Variants in ARHGEF7 observed in about 807,000 individuals in gnomAD.
ARHGEF7 encodes the protein PAK-interacting exchange factor beta.
A neutral mutation model predicts 109.8 loss-of-function variants in ARHGEF7; 33 were observed. The ratio of observed to expected loss-of-function variants is 0.30; its 90% CI spans 0.23 to 0.40. The LOEUF is 0.40. Ranked by LOEUF, ARHGEF7 falls within the 10% of genes least tolerant of loss-of-function variation. ARHGEF7 has a pLI of 1.00. For synonymous variants in ARHGEF7, 458 were observed against 424.6 expected, an observed-to-expected ratio of 1.08 and a Z score of -0.97; for missense variants, 938 against 1,098.5, an observed-to-expected ratio of 0.85 and a Z score of 2.07.
intron 2 of ARHGEF7, among the ~76,000 whole-genome samples, chr13:111,205,081 G>A (rs7317770): frequency 0.44 from 67,570 of 152,122 alleles, 15,689 homozygotes; most frequent in South Asian, 0.55. Flanking sequence ...GCCTAATGCC[G>A]AGGGGGGACC....
intron 5 of ARHGEF7, among the ~76,000 whole-genome samples, chr13:111,222,738 T>A (rs2084627864): frequency 6.6e-6 from 1 of 152,202 alleles, no homozygotes; most frequent in South Asian, 2.1e-4. Context: ...CCAGTCTGAG[T>A]TTAACCGTGG....
At chr13:111,270,097 C>T (rs2092017088) in intron 9 of ARHGEF7, among the ~76,000 whole-genome samples, 1 of 152,256 alleles carries the variant, frequency 6.6e-6, no homozygotes, top group African/African-American at 2.4e-5. Context: ...AGAATGCCAA[C>T]TCTGACCGTT....
chr13:111,192,832 C>T (rs1477143381), intron 2 of ARHGEF7, among the ~76,000 whole-genome samples: 1 of 152,178 alleles, frequency 6.6e-6, no homozygotes, highest in Non-Finnish European at 1.5e-5. Flanking sequence ...ACTTCCTGAG[C>T]CTTCTCTGTC....
intron 2 of ARHGEF7, among the ~76,000 whole-genome samples, chr13:111,157,713 TTC>T (rs1444519614): frequency 1.6e-4 from 24 of 152,210 alleles, no homozygotes; most frequent in Non-Finnish European, 3.5e-4. Context: ...TCAGAGTGAT[TTC>T]TGTTTCCAGT....
chr13:111,288,562 G>A (rs2093127764), intron 18 of ARHGEF7, 119 bp downstream of exon 18: 5 of 581,766 alleles, frequency 8.6e-6, no homozygotes, highest in Non-Finnish European at 1.4e-5. Context: ...TGACCTCCCA[G>A]TGAGTGATGT....
chr13:111,124,920 C>T (rs1001240267), intron 1 of ARHGEF7, among the ~76,000 whole-genome samples: 4 of 152,088 alleles, frequency 2.6e-5, no homozygotes, highest in African/African-American at 7.2e-5. Flanking sequence ...CCACCATGCC[C>T]GGCTAATTTT....
chr13:111,284,410 CAT>C (rs2092927980), intron 16 of ARHGEF7, among the ~76,000 whole-genome samples: 4 of 152,264 alleles, frequency 2.6e-5, no homozygotes, highest in Admixed American at 6.5e-5. Context: ...TTCAGGTAAT[CAT>C]GTGTGCAAGT....
In ARHGEF7 at chr13:111,255,351, A is replaced by C. The variant is rs2090294051; in HGVS notation, c.950+11057A>C. Among the ~76,000 whole-genome samples, 1 of 152,176 alleles carries C rather than the reference A, an allele frequency of 6.6e-6. No homozygotes were observed. The highest frequency in any genetic ancestry group is 2.1e-4 in the South Asian group (1 of 4,826). On this transcript the variant is annotated intron_variant, in intron 8 of 21. Coordinates refer to ENST00000646102, the MANE Select transcript of ARHGEF7 (RefSeq NM_001354046.2). This position sits in a 1 kb window ranked among gnomAD's most constrained non-coding sequence, Gnocchi z 4.1. ...GTGTGGGAAGAGGTGTGGCCCAGGT[A>C]AAGGTTAGGTTTGGATTGACAGCTC...
chr13:111,265,608 C>T, intron 8 of ARHGEF7: 1 of 456,736 alleles, frequency 2.2e-6, no homozygotes, highest in East Asian at 7.0e-5. Flanking sequence ...AAAGGCATGC[C>T]TGCCAGCAGA....
intron 2 of ARHGEF7, among the ~76,000 whole-genome samples, chr13:111,170,229 C>CTGAGACTGTAGG (rs1462801178): frequency 6.6e-6 from 1 of 152,204 alleles, no homozygotes; most frequent in Non-Finnish European, 1.5e-5. Context: ...TCTCGAGTAG[C>CTGAGACTGTAGG]TGAGATTACA....
At chr13:111,156,984 TTTG>T (rs1164053632) in intron 2 of ARHGEF7, among the ~76,000 whole-genome samples, 2 of 152,232 alleles carry the variant, frequency 1.3e-5, no homozygotes, top group African/African-American at 4.8e-5. Context: ...TCTGCTAAGA[TTTG>T]TTAAAGGGAA....
chr13:111,205,073 C>G (rs1430565876), intron 2 of ARHGEF7, among the ~76,000 whole-genome samples: 3 of 151,800 alleles, frequency 2.0e-5, no homozygotes, highest in Admixed American at 2.0e-4. Context: ...GGGAATTGGC[C>G]TAATGCCGAG....
chr13:111,241,281 T>C, intron 6 of ARHGEF7: 2 of 1,536,134 alleles, frequency 1.3e-6, no homozygotes, highest in Non-Finnish European at 1.7e-6. Context: ...CTGTGAGGTC[T>C]CATGGGGTCC....
rs1013270244 is a variant in ARHGEF7 at position 111,255,230 on chromosome 13, C to G, written c.950+10936C>G. Among the ~76,000 whole-genome samples, 2 of 151,926 alleles carry G rather than the reference C, an allele frequency of 1.3e-5. No homozygotes were observed. Among genetic ancestry groups the G allele is most frequent in the African/African-American group, 2.4e-5 (1 of 41,366 alleles). ...AGGATTCGGGCTAAGGCGCTGAGTT[C>G]CGTTTGGGGTTGCTGTGCATTTCAG... On this transcript the variant is annotated intron_variant, in intron 8 of 21. Coordinates refer to ENST00000646102, the MANE Select transcript of ARHGEF7 (RefSeq NM_001354046.2). This position sits in a 1 kb window ranked among gnomAD's most constrained non-coding sequence, Gnocchi z 4.1.
intron 1 of ARHGEF7, among the ~76,000 whole-genome samples, chr13:111,135,491 A>C (rs572863771): frequency 6.6e-6 from 1 of 152,190 alleles, no homozygotes; most frequent in African/African-American, 2.4e-5. Context: ...AGTGGTTTGT[A>C]GTTCTCCTTG....
At chr13:111,203,163 T>A in intron 2 of ARHGEF7, 1 of 1,188,672 alleles carries the variant, frequency 8.4e-7, no homozygotes, top group Non-Finnish European at 1.1e-6. Context: ...GTATACAAAA[T>A]TGACAAAATA....
intron 4 of ARHGEF7, among the ~76,000 whole-genome samples, chr13:111,210,617 T>C (rs774956494): frequency 2.0e-5 from 3 of 152,052 alleles, no homozygotes; most frequent in African/African-American, 4.8e-5. Context: ...AATAGTGAAG[T>C]TGAAAATGAG....
chr13:111,210,691 C>T (rs2082388885), intron 4 of ARHGEF7, among the ~76,000 whole-genome samples: 1 of 152,260 alleles, frequency 6.6e-6, no homozygotes, highest in African/African-American at 2.4e-5. Flanking sequence ...GGCTGCCACT[C>T]TGCAGTCCTG....
chr13:111,269,092 G>C (rs775682457), intron 9 of ARHGEF7, among the ~76,000 whole-genome samples: 6 of 152,162 alleles, frequency 3.9e-5, no homozygotes, highest in Non-Finnish European at 8.8e-5. Flanking sequence ...GCTTGGGAGC[G>C]TGGGCCATGT....
Sources: gnomAD v4.1 joint callset for allele counts (sites outside exome capture counted in the v4.1 genomes callset) on GRCh38, gnomAD v4.1.1 for gene constraint, Gnocchi (gnomAD v3.1) non-coding constraint, MANE v1.5 for transcripts, NCBI Gene and HGNC (gene_info 2026-07-23, HGNC 2026-07-21) for gene names.